Variants in MZF1 observed in about 807,000 individuals in gnomAD.
MZF1 encodes the protein myeloid zinc finger 1.
In MZF1, 24 loss-of-function variants were observed where a neutral mutation model predicts 28.6. The ratio of observed to expected loss-of-function variants is 0.84; its 90% CI spans 0.61 to 1.18. MZF1 has a LOEUF of 1.18. Among genes scored for constraint, MZF1 ranks in the 50% most tolerant of loss-of-function variants. The pLI is 0.00. For synonymous variants in MZF1, 516 were observed against 432.5 expected, an observed-to-expected ratio of 1.19 and a Z score of -2.40; for missense variants, 1,166 against 1,026.4, an observed-to-expected ratio of 1.14 and a Z score of -1.86.
At position 58,563,468 on chromosome 19, in the gene MZF1, G is replaced by A. The variant is rs766773104; in HGVS notation, c.809C>T (p.Pro270Leu). 1.3e-5 allele frequency: 21 copies of A among 1,566,670 alleles called. No individual in the cohort carries two copies. Among genetic ancestry groups the A allele is most frequent in the Non-Finnish European group, 1.6e-5 (18 of 1,154,352 alleles). ...GTGGAGGTGAGGGCTTACACTACCT[G>A]GACCTGCGGAGATGCTGCCTAGCTG... ...ALQLGSISAGPGSVSPHLHVP... is the reference protein window; with the variant it reads ...ALQLGSISAGLGSVSPHLHVP... Residue 270 changes from proline (P) to leucine (L), a missense_variant, in exon 6 of 6, where the codon CCA becomes CTA. Physicochemically the swap from Pro to Leu is moderately conservative, Grantham distance 98 (BLOSUM62 -3). Coordinates refer to ENST00000215057, the MANE Select transcript of MZF1 (RefSeq NM_198055.2).
chr19:58,562,717 C>G lies in MZF1; in HGVS notation c.1560G>C (p.Glu520Asp). 6.5e-6 allele frequency: 10 copies of G among 1,535,908 alleles called. No homozygotes were observed. Among genetic ancestry groups the G allele is most frequent in the Non-Finnish European group, 7.8e-6 (9 of 1,147,280 alleles). Residue 520 changes from glutamate (E) to aspartate (D), a missense_variant, in exon 6 of 6, where the codon GAG (glutamate) becomes GAC (aspartate). Coordinates refer to ENST00000215057, the MANE Select transcript of MZF1 (RefSeq NM_198055.2). ...GCAGCACTGAGCGGCGGCCGAAGCG[C>G]TCGCCGCACTCGACGCAGCCAAAGG... The part of the protein sequence containing the change: ...DKSFGCVECG[E>D]RFGRRSVLLQ...
At chr19:58,570,169 G>A in intron 3 of MZF1, 175 bp downstream of exon 3, 3 of 634,484 alleles carry the variant, frequency 4.7e-6, no homozygotes, top group Non-Finnish European at 7.9e-6. Context: ...GGTAGTGACA[G>A]CACTGGCTGC....
At chr19:58,567,050 G>A (rs903572155) in intron 5 of MZF1, among the ~76,000 whole-genome samples, 12 of 152,094 alleles carry the variant, frequency 7.9e-5, no homozygotes, top group Non-Finnish European at 1.2e-4. Flanking sequence ...CTACAAGTAC[G>A]TGCCACCATG....
rs533735193 is a variant in MZF1 at position 58,565,768 on chromosome 19, G to C, written c.773-2264C>G. ...AGGATGGTCTCGATCTCCTGACCTC[G>C]TGATCCGCCCGCCTTGGCCTCCCAA... is the stretch of plus-strand genomic sequence containing the variant. On this transcript the variant is annotated intron_variant, in intron 5 of 5. Transcript: ENST00000215057. Among the ~76,000 whole-genome samples the C allele has an allele frequency of 2.1e-4, 30 of 144,568 alleles. No individual in the cohort carries two copies. In the Middle Eastern group the frequency reaches 0.012, roughly 56 times the overall value. 94.8% of individuals were successfully genotyped at this position (144,568 alleles called of 152,430 possible). A position where few individuals can be genotyped will look rare whatever the true frequency, so the allele number is the denominator to read the frequency against.
At position 58,562,549 on chromosome 19, in the gene MZF1, C is replaced by T. The variant is rs2053949934; in HGVS notation, c.1728G>A (p.Lys576=). Residue 576 remains lysine (K), a synonymous_variant, in exon 6 of 6, where the codon AAG becomes AAA. Transcript: ENST00000215057. The part of the protein sequence containing the change: ...ERPFACAECG[K]AFRQRPTLTQ... ...TGAGCGTAGGCCGCTGGCGGAAGGC[C>T]TTGCCACACTCGGCGCAGGCGAAGG... 1 of 1,605,430 alleles carries T rather than the reference C, an allele frequency of 6.2e-7. No homozygotes were observed. Among genetic ancestry groups the T allele is most frequent in the Non-Finnish European group, 8.5e-7 (1 of 1,177,312 alleles).
At chr19:58,567,118 G>A (rs2054073071) in intron 5 of MZF1, among the ~76,000 whole-genome samples, 1 of 152,158 alleles carries the variant, frequency 6.6e-6, no homozygotes, top group South Asian at 2.1e-4. Flanking sequence ...ATGTTGCCCA[G>A]GATGGTCTCG....
In MZF1 at chr19:58,562,313, C is replaced by CA. The variant is rs1568674321; in HGVS notation, c.1963dup (p.Cys655LeufsTer24). ...CCGAAAGCTCTGGCCGCACTCGGGG[C>CA]AGGCGAAGGGCCGTTCGCCCGTGTG... On this transcript the variant is annotated frameshift_variant, in exon 6 of 6. Transcript: ENST00000215057. LOFTEE classifies it low-confidence loss of function (END_TRUNC). 6.2e-7 allele frequency: 1 copy of CA among 1,610,040 alleles called. No homozygotes were observed. The highest frequency in any genetic ancestry group is 1.1e-5 in the South Asian group (1 of 90,874).
intron 5 of MZF1, among the ~76,000 whole-genome samples, chr19:58,564,916 T>G (rs1011608221): frequency 2.9e-4 from 35 of 119,158 alleles, no homozygotes; most frequent in Admixed American, 4.1e-4. Flanking sequence ...TTTTTTTTTT[T>G]TTTTTTTTTT....
rs1352736942 is a variant in MZF1 at position 58,565,592 on chromosome 19, G to A, written c.773-2088C>T. Among the ~76,000 whole-genome samples, 4 of 151,792 alleles carry A rather than the reference G, an allele frequency of 2.6e-5. No homozygotes were observed. In the East Asian group the frequency reaches 5.9e-4, roughly 22 times the overall value. ...CTGTTGCCCAGGCTGGAGTGTAGTG[G>A]CGCCATCTCAGCTCACTGCAAGCTC... On this transcript the variant is annotated intron_variant, in intron 5 of 5. Transcript: ENST00000215057.
chr19:58,570,597 G>T, intron 2 of MZF1, 70 bp from the exon 3 acceptor site: 1 of 1,507,000 alleles, frequency 6.6e-7, no homozygotes, highest in Non-Finnish European at 8.9e-7. Flanking sequence ...GGGTTTGTGG[G>T]TGCCCATCCC....
chr19:58,570,503 C>T lies in MZF1; in HGVS notation c.421G>A (p.Glu141Lys). 1 of 1,613,478 alleles carries T rather than the reference C, an allele frequency of 6.2e-7. No individual in the cohort carries two copies. Among genetic ancestry groups the T allele is most frequent in the Non-Finnish European group, 8.5e-7 (1 of 1,179,642 alleles). ...GGCTCCATCTTCTCTGATAGGACCT[C>T]CTGGCCCTGCACCTGGACTGTGACC... ...RWVTVQVQGQ[E>K]VLSEKMEPSS... The change falls in exon 3 of 6, where the codon GAG (glutamate) becomes AAG (lysine). Residue 141 changes from glutamate (E) to lysine (K), a missense_variant. Coordinates refer to ENST00000215057, the MANE Select transcript of MZF1 (RefSeq NM_198055.2).
chr19:58,562,740 A>G lies in MZF1; in HGVS notation c.1537T>C (p.Phe513Leu). The G allele has an allele frequency of 1.3e-6, 2 of 1,536,348 alleles. No individual in the cohort carries two copies. The highest frequency in any genetic ancestry group is 8.7e-7 in the Non-Finnish European group (1 of 1,147,404). The change falls in exon 6 of 6, where the codon TTT becomes CTT. Residue 513 changes from phenylalanine to leucine, a missense_variant. Coordinates refer to ENST00000215057, the MANE Select transcript of MZF1 (RefSeq NM_198055.2). ...CGCTCGCCGCACTCGACGCAGCCAA[A>G]GGACTTGTCGCCCGTGTGTACCGCC... Reference protein sequence around the residue: ...HQAVHTGDKSFGCVECGERFG... With the variant: ...HQAVHTGDKSLGCVECGERFG...
Position 58,571,132 on chromosome 19 carries a change from C to A in MZF1, c.258G>T (p.Leu86=), listed in dbSNP as rs2054153794. The part of the protein sequence containing the change: ...EVRSKEQMLE[L]LVLEQFLGAL... ...CGCCCAGGAACTGCTCCAGCACCAA[C>A]AGCTCCAGCATCTGCTCCTTGGAGC... The change falls in exon 2 of 6, where the codon CTG becomes CTT. Residue 86 remains leucine (L), a synonymous_variant. Coordinates refer to ENST00000215057, the MANE Select transcript of MZF1 (RefSeq NM_198055.2). 13 of 1,613,996 alleles carry A rather than the reference C, an allele frequency of 8.1e-6. No homozygotes were observed. The highest frequency in any genetic ancestry group is 2.2e-5 in the East Asian group (1 of 44,904).
Position 58,562,101 on chromosome 19 carries a change from G to C in MZF1, c.2176C>G (p.Gln726Glu). The C allele has an allele frequency of 6.3e-7, 1 of 1,580,060 alleles. No homozygotes were observed. Among genetic ancestry groups the C allele is most frequent in the South Asian group, 1.1e-5 (1 of 87,446 alleles). The change falls in exon 6 of 6, where the codon CAG (glutamine) becomes GAG (glutamate). Residue 726 changes from glutamine to glutamate, a missense_variant. By Grantham distance (29) the Gln-to-Glu change is conservative. Coordinates refer to ENST00000215057, the MANE Select transcript of MZF1 (RefSeq NM_198055.2). The part of the protein sequence containing the change: ...RRFHQSTKLI[Q>E]HQRVHSAE ...TCGGCGCTGTGGACGCGCTGGTGCT[G>C]AATGAGCTTGGTGCTCTGGTGGAAG...
Position 58,563,160 on chromosome 19 carries a change from TCAG to T in MZF1, c.1114_1116del (p.Leu372del). 6.2e-7 allele frequency: 1 copy of T among 1,609,418 alleles called. No homozygotes were observed. The highest frequency in any genetic ancestry group is 8.5e-7 in the Non-Finnish European group (1 of 1,179,574). ...TCACCCGTGTGGATCTTCTGGTGCC[TCAG>T]CAGGTTGCTGCGTTGGCTGAACACC... On this transcript the variant is annotated inframe_deletion, in exon 6 of 6. Transcript: ENST00000215057.
intron 1 of MZF1, 72 bp from the exon 2 acceptor site, chr19:58,571,501 A>G: frequency 7.3e-7 from 1 of 1,375,266 alleles, no homozygotes; most frequent in Non-Finnish European, 9.8e-7. Flanking sequence ...TCTATGCTGT[A>G]CCGTTTGATC....
At chr19:58,565,656 C>T (rs954961292) in intron 5 of MZF1, among the ~76,000 whole-genome samples, 3 of 151,856 alleles carry the variant, frequency 2.0e-5, no homozygotes, top group African/African-American at 7.2e-5. Flanking sequence ...CCTCAGCCAC[C>T]CGAGTAGATG....
At chr19:58,564,707 C>T (rs34395851) in intron 5 of MZF1, 1 of 152,108 alleles carries the variant, frequency 6.6e-6, no homozygotes, top group African/African-American at 2.4e-5. Context: ...TTAGGTACTT[C>T]TTCAACAGTT....
Position 58,562,864 on chromosome 19 carries a change from C to T in MZF1, c.1413G>A (p.Lys471=), listed in dbSNP as rs75984033. ...IHGDPPGPGA[K]PPAPPGAPEP... is the part of the protein sequence containing the mutation. ...CGGGCGCACCAGGAGGGGCCGGGGGCTTAGCGCCAGGGCCCGGGGGATCGC... is the reference window on the plus strand; with the variant it reads ...CGGGCGCACCAGGAGGGGCCGGGGGTTTAGCGCCAGGGCCCGGGGGATCGC... Residue 471 remains lysine, a synonymous_variant, in exon 6 of 6, where the codon AAG becomes AAA. Coordinates refer to ENST00000215057, the MANE Select transcript of MZF1 (RefSeq NM_198055.2). 13 of 1,543,708 alleles carry T rather than the reference C, an allele frequency of 8.4e-6. No homozygotes were observed. The highest frequency in any genetic ancestry group is 1.9e-5 in the Admixed American group (1 of 52,314).
Sources: allele counts gnomAD v4.1 joint callset (sites outside exome capture counted in the v4.1 genomes callset), GRCh38; gene constraint gnomAD v4.1.1; transcripts MANE v1.5; gene names NCBI Gene and HGNC (gene_info 2026-07-23, HGNC 2026-07-21).